The following ANKRD27 variants were observed in gnomAD, a reference collection of about 807,000 sequenced individuals.
ANKRD27 encodes ankyrin repeat domain 27.
ANKRD27 carries 112 observed loss-of-function variants against 129.7 expected under a neutral mutation model. That is an observed-to-expected ratio of 0.86 (90% CI 0.74 to 1.01). The LOEUF is 1.01. Among genes scored for constraint, ANKRD27 ranks in the 50% least tolerant of loss-of-function variants. The pLI, the probability that ANKRD27 is intolerant of heterozygous loss-of-function variation, is 0.00. For missense variants in ANKRD27, 1,258 were observed against 1,300.5 expected (o/e 0.97, Z 0.50); for synonymous variants, 516 against 511.2 (o/e 1.01, Z -0.13).
At chr19:32,614,076 T>C (rs1403528227) in intron 22 of ANKRD27, among the ~76,000 whole-genome samples, 1 of 152,038 alleles carries the variant, frequency 6.6e-6, no homozygotes, top group African/African-American at 2.4e-5. Flanking sequence ...GATGGTGGGG[T>C]GGGCGTGGCA....
intron 12 of ANKRD27, among the ~76,000 whole-genome samples, chr19:32,631,806 T>G (rs1442620883): frequency 6.6e-6 from 1 of 152,206 alleles, no homozygotes; most frequent in East Asian, 1.9e-4. Flanking sequence ...GTCCTCCAGA[T>G]GGAAACTCAC....
intron 22 of ANKRD27, among the ~76,000 whole-genome samples, chr19:32,615,363 T>C (rs1158400119): frequency 6.6e-6 from 1 of 152,116 alleles, no homozygotes; most frequent in Non-Finnish European, 1.5e-5. Flanking sequence ...GGCAGGAGGA[T>C]AGCTTGAGCC....
chr19:32,598,064 G>A lies in ANKRD27; in HGVS notation c.*81C>T. The A allele has an allele frequency of 2.3e-6, 3 of 1,292,522 alleles. No individual in the cohort carries two copies. The South Asian group carries it at 3.7e-5, about 16-fold the overall frequency. 80.1% of individuals were successfully genotyped at this position (1,292,522 alleles called of 1,614,324 possible). A position where few individuals can be genotyped will look rare whatever the true frequency, so the allele number is the denominator to read the frequency against. On this transcript the variant is annotated 3_prime_UTR_variant, in exon 29 of 29. Coordinates refer to ENST00000306065, the MANE Select transcript of ANKRD27 (RefSeq NM_032139.3). The stretch of plus-strand genomic sequence containing the variant: ...AGCCAGTCTCATGGAAGCACATTTA[G>A]TTCTCAGATGTGTTCACGCTCAGCA...
intron 24 of ANKRD27, among the ~76,000 whole-genome samples, chr19:32,604,884 C>A (rs999946945): frequency 6.7e-6 from 1 of 149,902 alleles, no homozygotes; most frequent in Non-Finnish European, 1.5e-5. Flanking sequence ...ATAGTGAAAT[C>A]CCATCTCTAC....
At chr19:32,667,467 T>A (rs1350372473) in intron 1 of ANKRD27, among the ~76,000 whole-genome samples, 1 of 152,244 alleles carries the variant, frequency 6.6e-6, no homozygotes, top group African/African-American at 2.4e-5. Flanking sequence ...GCCACCATCC[T>A]TGGCCTAAAA....
At chr19:32,634,276 C>G (rs1967050085) in intron 12 of ANKRD27, among the ~76,000 whole-genome samples, 1 of 152,168 alleles carries the variant, frequency 6.6e-6, no homozygotes, top group African/African-American at 2.4e-5. Flanking sequence ...AACCAGTGAG[C>G]AGCTAAGACA....
chr19:32,631,439 G>C lies in ANKRD27; in HGVS notation c.1172C>G (p.Ser391Cys). ...GTCGGTGGGAGACGAAGTCATCTGA[G>C]AGAGTAAGCTCATTCTCTGCTTAAG... ...LFLKQRMSLL[S>C]QMTSSPTDCL... The change falls in exon 13 of 29, where the codon TCT (serine) becomes TGT (cysteine). Residue 391 changes from serine (S) to cysteine (C), a missense_variant. Ser to Cys is a moderately radical substitution (Grantham distance 112). Transcript: ENST00000306065. 6.2e-7 allele frequency: 1 copy of C among 1,614,070 alleles called. No individual in the cohort carries two copies. The highest frequency in any genetic ancestry group is 8.5e-7 in the Non-Finnish European group (1 of 1,180,032).
intron 22 of ANKRD27, among the ~76,000 whole-genome samples, chr19:32,612,157 C>G (rs1426456742): frequency 2.6e-5 from 4 of 152,000 alleles, no homozygotes; most frequent in Non-Finnish European, 5.9e-5. Flanking sequence ...GAGGTGTACA[C>G]TTAACATGAC....
chr19:32,639,516 T>C (rs761126465), intron 11 of ANKRD27, 28 bp from the exon 12 acceptor site: 96 of 1,608,000 alleles, frequency 6.0e-5, no homozygotes, highest in Non-Finnish European at 6.6e-5. Context: ...AAAGTTATGT[T>C]GTTGTCTATC....
At chr19:32,650,791 C>T (rs1219787543) in intron 2 of ANKRD27, among the ~76,000 whole-genome samples, 3 of 143,178 alleles carry the variant, frequency 2.1e-5, no homozygotes, top group African/African-American at 5.1e-5. Flanking sequence ...GCTCTCTCAC[C>T]GAGGCTGGAG....
chr19:32,653,335 T>C (rs1215424929), intron 2 of ANKRD27, among the ~76,000 whole-genome samples: 1 of 152,132 alleles, frequency 6.6e-6, no homozygotes, highest in Non-Finnish European at 1.5e-5. Context: ...CCCCATTAAA[T>C]CAGACAACTC....
chr19:32,643,199 C>T lies in ANKRD27; in HGVS notation c.706G>A (p.Asp236Asn), dbSNP rs1015860769. 1 of 1,614,064 alleles carries T rather than the reference C, an allele frequency of 6.2e-7. No individual in the cohort carries two copies. The highest frequency in any genetic ancestry group is 2.2e-5 in the East Asian group (1 of 44,890). ...CTTGTGATTTTGTTAAAGGCCGCATCCTAACAACAGATTTTAACGAACCTT... is the reference window on the plus strand; with the variant it reads ...CTTGTGATTTTGTTAAAGGCCGCATTCTAACAACAGATTTTAACGAACCTT... ...KYVGTMEASE[D>N]AAFNKITRSL... The change falls in exon 9 of 29, where the codon GAT becomes AAT. Residue 236 changes from aspartate (D) to asparagine (N), a missense_variant and splice_region_variant. By Grantham distance (23) the Asp-to-Asn change is conservative. Coordinates refer to ENST00000306065, the MANE Select transcript of ANKRD27 (RefSeq NM_032139.3).
chr19:32,605,895 G>C lies in ANKRD27; in HGVS notation c.2433C>G (p.Asn811Lys). 1 of 1,614,118 alleles carries C rather than the reference G, an allele frequency of 6.2e-7. No individual in the cohort carries two copies. Among genetic ancestry groups the C allele is most frequent in the Non-Finnish European group, 8.5e-7 (1 of 1,180,006 alleles). Reference protein sequence around the residue: ...AKPNKKDLSGNTPLIYACSGG... With the variant: ...AKPNKKDLSGKTPLIYACSGG... ...CGGAGCAGGCGTAAATGAGGGGCGTGTTTCCACTGAGGTCCTTCTTATTGG... is the reference window on the plus strand; with the variant it reads ...CGGAGCAGGCGTAAATGAGGGGCGTCTTTCCACTGAGGTCCTTCTTATTGG... The change falls in exon 24 of 29, where the codon AAC becomes AAG. Residue 811 changes from asparagine (N) to lysine (K), a missense_variant. Coordinates refer to ENST00000306065, the MANE Select transcript of ANKRD27 (RefSeq NM_032139.3).
intron 13 of ANKRD27, among the ~76,000 whole-genome samples, chr19:32,630,329 C>T (rs1313968290): frequency 6.6e-6 from 1 of 152,198 alleles, no homozygotes; most frequent in Non-Finnish European, 1.5e-5. Context: ...CACTCACGGA[C>T]TGCCCTGCGG....
chr19:32,625,394 T>C (rs951366756), intron 17 of ANKRD27, among the ~76,000 whole-genome samples: 1 of 152,128 alleles, frequency 6.6e-6, no homozygotes, highest in African/African-American at 2.4e-5. Flanking sequence ...GTTTTAAACT[T>C]TGTTACTTCA....
chr19:32,672,850 T>G (rs1020389025), intron 1 of ANKRD27: 1 of 152,448 alleles, frequency 6.6e-6, no homozygotes, highest in African/African-American at 2.4e-5. Flanking sequence ...GTTCCTCAGA[T>G]GGAGAATCAA....
chr19:32,605,086 A>G (rs1163274605), intron 24 of ANKRD27, among the ~76,000 whole-genome samples: 1 of 151,682 alleles, frequency 6.6e-6, no homozygotes, highest in Non-Finnish European at 1.5e-5. Flanking sequence ...AGAAAACAAT[A>G]CTTGGCGAGG....
intron 12 of ANKRD27, chr19:32,637,519 T>G (rs773954445): frequency 1.3e-5 from 2 of 152,286 alleles, no homozygotes; most frequent in Non-Finnish European, 2.9e-5. Context: ...CAGATGGCAG[T>G]GGCAGCCCAT....
At position 32,643,452 on chromosome 19, in the gene ANKRD27, G is replaced by C; in HGVS notation, c.618C>G (p.Asn206Lys). 2 of 1,613,752 alleles carry C rather than the reference G, an allele frequency of 1.2e-6. No individual in the cohort carries two copies. Among genetic ancestry groups the C allele is most frequent in the Non-Finnish European group, 1.7e-6 (2 of 1,179,978 alleles). The change falls in exon 7 of 29, where the codon AAC becomes AAG. Residue 206 changes from asparagine to lysine, a missense_variant. By Grantham distance (94) the Asn-to-Lys change is moderately conservative. Transcript: ENST00000306065. ...KMLAKQEAQM[N>K]LMKQAVEIYV... is the part of the protein sequence containing the mutation. ...TCACCTCCACTGCCTGCTTCATCAGGTTCATCTGGGCCTCCTGCTTGGCGA... is the reference window on the plus strand; with the variant it reads ...TCACCTCCACTGCCTGCTTCATCAGCTTCATCTGGGCCTCCTGCTTGGCGA...
Sources: allele counts gnomAD v4.1 joint callset (sites outside exome capture counted in the v4.1 genomes callset), GRCh38; gene constraint gnomAD v4.1.1; transcripts MANE v1.5; gene names NCBI Gene and HGNC (gene_info 2026-07-23, HGNC 2026-07-21).